Variants in ASIC2 observed in about 807,000 individuals in gnomAD.
The protein encoded by ASIC2 is acid-sensing ion channel 2.
Under a neutral mutation model 57.3 loss-of-function variants are expected in ASIC2, and 25 were observed. The observed-to-expected ratio is 0.44, with a 90% CI of 0.32 to 0.61. ASIC2 has a LOEUF of 0.61. ASIC2 is among the 20% of genes least tolerant of loss of function. The probability of loss-of-function intolerance (pLI) is 0.06; values close to 1 mark genes in which losing one functional copy is unlikely to be tolerated. For synonymous variants in ASIC2, 319 were observed against 307.5 expected (o/e 1.04, Z -0.39); for missense variants, 641 against 738.1 (o/e 0.87, Z 1.52).
chr17:33,565,492 T>C (rs761749825), intron 1 of ASIC2, among the ~76,000 whole-genome samples: 8 of 152,294 alleles, frequency 5.3e-5, no homozygotes, highest in Non-Finnish European at 8.8e-5. Context: ...CTCTCTGTTG[T>C]TTTCCAGAAC....
At chr17:33,614,940 G>T (rs145396792) in intron 1 of ASIC2, among the ~76,000 whole-genome samples, 1 of 152,174 alleles carries the variant, frequency 6.6e-6, no homozygotes, top group East Asian at 1.9e-4. Context: ...TAAAGTGCGC[G>T]TAATAATAGC....
intron 1 of ASIC2, among the ~76,000 whole-genome samples, chr17:33,992,558 C>T (rs1376586849): frequency 2.0e-5 from 3 of 152,212 alleles, no homozygotes; most frequent in Admixed American, 1.3e-4. Flanking sequence ...GGTGAATTCA[C>T]TCTATCCACA....
chr17:33,867,186 A>C (rs1914263659), intron 1 of ASIC2, among the ~76,000 whole-genome samples: 1 of 152,120 alleles, frequency 6.6e-6, no homozygotes, highest in Non-Finnish European at 1.5e-5. Context: ...CTTCATAGAA[A>C]ATTTTTTAGA....
intron 1 of ASIC2, among the ~76,000 whole-genome samples, chr17:34,150,690 G>A (rs184667728): frequency 5.9e-5 from 9 of 152,276 alleles, no homozygotes; most frequent in South Asian, 2.1e-4. Flanking sequence ...GAAGACAGAC[G>A]AGAGAGTAAT....
chr17:33,683,648 C>T (rs777050863), intron 1 of ASIC2, among the ~76,000 whole-genome samples: 3 of 152,088 alleles, frequency 2.0e-5, no homozygotes, highest in Admixed American at 1.3e-4. Flanking sequence ...CTCAAATGAT[C>T]CTCCTGCCTC....
intron 3 of ASIC2, among the ~76,000 whole-genome samples, chr17:33,030,786 C>A (rs538464660): frequency 6.6e-6 from 1 of 152,250 alleles, no homozygotes; most frequent in South Asian, 2.1e-4. Context: ...TTTTCTCCTT[C>A]ATTCTATTAA....
rs536658655 is a variant in ASIC2 at position 33,658,268 on chromosome 17, T to C, written c.555+497710A>G. On this transcript the variant is annotated intron_variant, in intron 1 of 9. Transcript: ENST00000359872. ...CCCCTGCACTCATCAGAAGGCCGGA[T>C]GATCTTGAGTGAGCCAGGAAGCGAA... Among the ~76,000 whole-genome samples the C allele has an allele frequency of 1.3e-3, 191 of 152,344 alleles. 2 individuals are homozygous for C. Among genetic ancestry groups the C allele is most frequent in the Non-Finnish European group, 1.9e-4 (13 of 68,022 alleles).
At chr17:33,492,837 G>T (rs1913803080) in intron 1 of ASIC2, among the ~76,000 whole-genome samples, 1 of 152,104 alleles carries the variant, frequency 6.6e-6, no homozygotes, top group Non-Finnish European at 1.5e-5. Context: ...TGTGGAATGG[G>T]GGAAAGCTGC....
chr17:33,575,278 G>A (rs1567655845), intron 1 of ASIC2, among the ~76,000 whole-genome samples: 1 of 152,216 alleles, frequency 6.6e-6, no homozygotes, highest in African/African-American at 2.4e-5. Flanking sequence ...CAGGGCTTCT[G>A]TAAGCATTCG....
At chr17:33,138,504 G>A (rs1431153385) in intron 1 of ASIC2, among the ~76,000 whole-genome samples, 8 of 152,184 alleles carry the variant, frequency 5.3e-5, no homozygotes, top group Non-Finnish European at 1.0e-4. Context: ...ACCTTCACTC[G>A]GAAGTCCTTG....
rs2091850004 is a variant in ASIC2, at chr17:33,024,132, AAAGTGAGGG to A, written c.1196-127_1196-119del. 1.1e-4 allele frequency: 152 copies of A among 1,344,114 alleles called. 4 individuals are homozygous for A. The South Asian group carries it at 2.0e-3, about 18-fold the overall frequency. 83.3% of individuals were successfully genotyped at this position (1,344,114 alleles called of 1,614,324 possible). ...GCTGGGAAGGGGCACTGGTCTGGGG[AAAGTGAGGG>A]GCAGGGATTGTGGAGAGAGGGGAAC... On this transcript the variant is annotated intron_variant, in intron 5 of 9. Coordinates refer to ENST00000225823, the MANE Select transcript of ASIC2 (RefSeq NM_183377.2).
chr17:33,751,792 CA>C (rs959133886), intron 1 of ASIC2, among the ~76,000 whole-genome samples: 83 of 152,080 alleles, frequency 5.5e-4, no homozygotes, highest in African/African-American at 2.0e-3. Context: ...GATGGAGGGT[CA>C]GGGGAGCTGC....
At chr17:33,455,786 A>G (rs1389367248) in intron 1 of ASIC2, among the ~76,000 whole-genome samples, 2 of 152,244 alleles carry the variant, frequency 1.3e-5, no homozygotes, top group African/African-American at 2.4e-5. Context: ...GATAGCCGGG[A>G]ATATCTGAAG....
intron 1 of ASIC2, chr17:34,039,454 G>A (rs566415040): frequency 2.9e-5 from 46 of 1,613,598 alleles, no homozygotes; most frequent in African/African-American, 2.3e-4. Context: ...CTGCTCCTCC[G>A]TTGCCTCCTT....
At position 33,668,100 on chromosome 17, in the gene ASIC2, C is replaced by A. The variant is rs183687195; in HGVS notation, c.555+487878G>T. 9.5e-4 allele frequency among the ~76,000 whole-genome samples: 145 copies of A among 152,210 alleles called. No individual in the cohort carries two copies. The Middle Eastern group carries it at 0.024, about 25-fold the overall frequency. ...AGGTAGGAAGAAGCATGTTTGTGAACCGCGCTGGCGTGTCTGGAACTCCAC... is the reference window on the plus strand; with the variant it reads ...AGGTAGGAAGAAGCATGTTTGTGAAACGCGCTGGCGTGTCTGGAACTCCAC... On this transcript the variant is annotated intron_variant, in intron 1 of 9. Transcript: ENST00000359872.
intron 1 of ASIC2, among the ~76,000 whole-genome samples, chr17:33,124,623 G>T (rs1305090469): frequency 6.6e-6 from 1 of 152,216 alleles, no homozygotes; most frequent in African/African-American, 2.4e-5. Flanking sequence ...GTTTGAGCAG[G>T]TGCCACAGGG....
At chr17:33,997,307 A>ATTT (rs71147411) in intron 1 of ASIC2, among the ~76,000 whole-genome samples, 4 of 85,790 alleles carry the variant, frequency 4.7e-5, no homozygotes, top group Non-Finnish European at 8.3e-5. Flanking sequence ...TGCACGGTTA[A>ATTT]TTTTTTTTTT....
chr17:33,997,708 T>A (rs1906207915), intron 1 of ASIC2, among the ~76,000 whole-genome samples: 1 of 152,188 alleles, frequency 6.6e-6, no homozygotes, highest in African/African-American at 2.4e-5. Flanking sequence ...CATCCTTGCA[T>A]CCTAGGGATA....
intron 1 of ASIC2, among the ~76,000 whole-genome samples, chr17:33,443,663 G>T (rs1456108002): frequency 6.6e-6 from 1 of 151,442 alleles, no homozygotes; most frequent in African/African-American, 2.4e-5. Context: ...TGATCCGCCC[G>T]CCTCGGCCTC....
Sources: gnomAD v4.1 joint callset for allele counts (sites outside exome capture counted in the v4.1 genomes callset) on GRCh38, gnomAD v4.1.1 for gene constraint, MANE v1.5 for transcripts, NCBI Gene and HGNC (gene_info 2026-07-23, HGNC 2026-07-21) for gene names.